The following SGCZ variants were observed in gnomAD, a reference collection of about 807,000 sequenced individuals.
SGCZ encodes the protein sarcoglycan zeta, also known as zeta-sarcoglycan.
In SGCZ, 40 loss-of-function variants were observed where a neutral mutation model predicts 41.3. The observed-to-expected ratio is 0.97, with a 90% CI of 0.75 to 1.26. The LOEUF (loss-of-function observed/expected upper bound fraction) is 1.26, where lower values mean the gene tolerates loss of function less well. Among genes scored for constraint, SGCZ ranks in the 50% most tolerant of loss-of-function variants. SGCZ has a pLI of 0.00. For missense variants in SGCZ, 552 were observed against 369.8 expected (o/e 1.49, Z -4.04); for synonymous variants, 206 against 137.5 (o/e 1.50, Z -3.49).
intron 4 of SGCZ, among the ~76,000 whole-genome samples, chr8:14,223,828 C>T (rs1483217320): frequency 6.6e-6 from 1 of 152,168 alleles, no homozygotes; most frequent in Non-Finnish European, 1.5e-5. Flanking sequence ...ATAAAAACTA[C>T]CTTCTGCTTT....
At chr8:15,153,828 A>C (rs1044973498) in intron 1 of SGCZ, among the ~76,000 whole-genome samples, 2 of 152,126 alleles carry the variant, frequency 1.3e-5, no homozygotes, top group African/African-American at 4.8e-5. Flanking sequence ...GTTTAATTAT[A>C]AATTAAATTT....
At chr8:14,654,152 C>T (rs906111088) in intron 1 of SGCZ, among the ~76,000 whole-genome samples, 1 of 151,522 alleles carries the variant, frequency 6.6e-6, no homozygotes, top group Non-Finnish European at 1.5e-5. Flanking sequence ...GAATAGAAAC[C>T]TACTAAAATC....
intron 4 of SGCZ, among the ~76,000 whole-genome samples, chr8:14,201,233 C>G (rs978662417): frequency 4.6e-5 from 7 of 152,006 alleles, no homozygotes; most frequent in Non-Finnish European, 8.8e-5. Context: ...TATGAATAAA[C>G]CTACACTTAT....
chr8:14,279,074 C>T (rs1800333722), intron 3 of SGCZ, among the ~76,000 whole-genome samples: 2 of 152,044 alleles, frequency 1.3e-5, no homozygotes, highest in African/African-American at 4.8e-5. Context: ...ACTTCTCTTA[C>T]TATATAATTT....
intron 1 of SGCZ, among the ~76,000 whole-genome samples, chr8:14,652,439 A>G (rs1413575164): frequency 6.6e-6 from 1 of 151,858 alleles, no homozygotes; most frequent in Non-Finnish European, 1.5e-5. Flanking sequence ...AATGATATCT[A>G]TAAGCAATTA....
rs376401487 is a variant in SGCZ at position 15,237,617 on chromosome 8, T to C, written c.7A>G (p.Arg3Gly). 2.5e-6 allele frequency: 4 copies of C among 1,586,494 alleles called. No homozygotes were observed. Among genetic ancestry groups the C allele is most frequent in the Middle Eastern group, 1.7e-4 (1 of 6,052 alleles). The change falls in exon 1 of 8, where the codon AGA (arginine) becomes GGA (glycine). Residue 3 changes from arginine to glycine, a missense_variant. Coordinates refer to ENST00000382080, the MANE Select transcript of SGCZ (RefSeq NM_139167.4). MDRSTNLDIEELK... is the reference protein window; with the variant it reads MDGSTNLDIEELK... ...TCCTCAATGTCCAGGTTCGTTGATC[T>C]GTCCATGGAGCGCAACTAAACGAAG...
chr8:15,186,929 T>A (rs1187374614), intron 1 of SGCZ, among the ~76,000 whole-genome samples: 1 of 152,176 alleles, frequency 6.6e-6, no homozygotes. Context: ...AATGCGTTTT[T>A]ATATGAGATA....
chr8:14,896,572 G>A (rs1585358564), intron 1 of SGCZ, among the ~76,000 whole-genome samples: 1 of 152,038 alleles, frequency 6.6e-6, no homozygotes, highest in Non-Finnish European at 1.5e-5. Flanking sequence ...CACCTCTCAG[G>A]TTCCAGTGAT....
intron 1 of SGCZ, among the ~76,000 whole-genome samples, chr8:14,715,534 C>CCACACA (rs3069627): frequency 0.089 from 11,830 of 133,272 alleles, 1,145 homozygotes; most frequent in African/African-American, 0.27. Context: ...ATATCCTCCA[C>CCACACA]CACACACACA....
intron 1 of SGCZ, among the ~76,000 whole-genome samples, chr8:14,902,139 G>C (rs1049223350): frequency 6.6e-6 from 1 of 152,100 alleles, no homozygotes; most frequent in Non-Finnish European, 1.5e-5. Flanking sequence ...GGTAGGACAA[G>C]GGAAACACGA....
At chr8:14,291,971 T>C (rs932631331) in intron 3 of SGCZ, among the ~76,000 whole-genome samples, 1 of 152,056 alleles carries the variant, frequency 6.6e-6, no homozygotes, top group Admixed American at 6.6e-5. Context: ...AAGGAGATAA[T>C]AATTGGCTTT....
rs188203290 is a variant in SGCZ, at chr8:14,711,648, A to C, written c.40-156722T>G. On this transcript the variant is annotated intron_variant, in intron 1 of 7. Transcript: ENST00000382080. ...CTATATGCGTCCCTTGTACGGAAAA[A>C]AATGCTAGTGGAAAAGGATAGGAAC... Among the ~76,000 whole-genome samples, 245 of 151,618 alleles carry C rather than the reference A, an allele frequency of 1.6e-3. 3 individuals carry two copies. Among genetic ancestry groups the C allele is most frequent in the African/African-American group, 5.7e-3 (234 of 41,366 alleles).
intron 4 of SGCZ, among the ~76,000 whole-genome samples, chr8:14,207,561 T>C (rs1258863211): frequency 6.6e-6 from 1 of 152,158 alleles, no homozygotes; most frequent in Non-Finnish European, 1.5e-5. Context: ...AATATCTTTT[T>C]TGTAGTGTGT....
rs145464287 is a variant in SGCZ at position 15,220,355 on chromosome 8, T to G, written c.39+17230A>C. ...AGAATCAGAGACATAATAGTAAGCA[T>G]GTTTTCTTGATATTGGTTACCCACA... is the stretch of plus-strand genomic sequence containing the variant. On this transcript the variant is annotated intron_variant, in intron 1 of 7. Transcript: ENST00000382080. 4.3e-4 allele frequency among the ~76,000 whole-genome samples: 66 copies of G among 152,278 alleles called. 1 individual carries two copies. The East Asian group carries it at 8.7e-3, about 20-fold the overall frequency.
chr8:14,198,620 A>C (rs1023152760), intron 4 of SGCZ, among the ~76,000 whole-genome samples: 5 of 152,110 alleles, frequency 3.3e-5, no homozygotes, highest in Admixed American at 3.3e-4. Flanking sequence ...GGAAAAAAAG[A>C]ACTGATCTTT....
chr8:15,235,836 A>C (rs1052638755), intron 1 of SGCZ, among the ~76,000 whole-genome samples: 5 of 152,136 alleles, frequency 3.3e-5, no homozygotes, highest in African/African-American at 7.2e-5. Context: ...TGGATACTCC[A>C]CCTCTGCATA....
rs185361974 is a variant in SGCZ at position 14,622,486 on chromosome 8, G to T, written c.40-67560C>A. Among the ~76,000 whole-genome samples, 79 of 152,198 alleles carry T rather than the reference G, an allele frequency of 5.2e-4. 1 individual carries two copies. In the East Asian group the frequency reaches 0.015, roughly 28 times the overall value. On this transcript the variant is annotated intron_variant, in intron 1 of 7. Coordinates refer to ENST00000382080, the MANE Select transcript of SGCZ (RefSeq NM_139167.4). ...GCATCCAGAGAAGCCCAATTAATTA[G>T]ACTACACAAAATTTAAATAACAAAA...
At chr8:15,202,191 G>A (rs1233042030) in intron 1 of SGCZ, among the ~76,000 whole-genome samples, 1 of 152,154 alleles carries the variant, frequency 6.6e-6, no homozygotes, top group Non-Finnish European at 1.5e-5. Flanking sequence ...TTTTGTCATT[G>A]CTAACCATTG....
intron 2 of SGCZ, among the ~76,000 whole-genome samples, chr8:14,470,354 C>T (rs1160811312): frequency 1.3e-5 from 2 of 152,042 alleles, no homozygotes; most frequent in African/African-American, 4.8e-5. Flanking sequence ...CACATAGTAG[C>T]ACTTAATACG....
Sources: gnomAD v4.1 joint callset for allele counts (sites outside exome capture counted in the v4.1 genomes callset) on GRCh38, gnomAD v4.1.1 for gene constraint, MANE v1.5 for transcripts, NCBI Gene and HGNC (gene_info 2026-07-23, HGNC 2026-07-21) for gene names.